The following USP14 variants were observed in gnomAD, a reference collection of about 807,000 sequenced individuals.
The protein encoded by USP14 is ubiquitin carboxyl-terminal hydrolase 14.
USP14 carries 38 observed loss-of-function variants against 76.5 expected under a neutral mutation model. That is an observed-to-expected ratio of 0.50 (90% CI 0.38 to 0.65). The LOEUF (loss-of-function observed/expected upper bound fraction) is 0.65, where lower values mean the gene tolerates loss of function less well. USP14 is among the 30% of genes least tolerant of loss of function. The pLI is 0.00. For synonymous variants in USP14, 192 were observed against 191.7 expected (o/e 1.00, Z -0.01); for missense variants, 467 against 586.5 (o/e 0.80, Z 2.10).
rs977348826 is a variant in USP14, at chr18:197,927, AG to A, written c.676-118del. On this transcript the variant is annotated intron_variant, in intron 8 of 15. Coordinates refer to ENST00000261601, the MANE Select transcript of USP14 (RefSeq NM_005151.4). Reference sequence around the variant, plus strand: ...GTTGATTTTTGGTAATGTTTTTTGAAGGATTTTACTGTAAGGGACTACATTT... The same window carrying A: ...GTTGATTTTTGGTAATGTTTTTTGAAGATTTTACTGTAAGGGACTACATTT... The A allele has an allele frequency of 7.4e-5, 64 of 867,642 alleles. No homozygotes were observed. The African/African-American group carries it at 1.1e-3, about 14-fold the overall frequency. The allele number at this position is 867,642 out of a possible 1,614,324, so 53.7% of individuals were successfully genotyped here. A position where few individuals can be genotyped will look rare whatever the true frequency, so the allele number is the denominator to read the frequency against.
At position 163,295 on chromosome 18, in the gene USP14, A is replaced by T; in HGVS notation, c.17-13A>T. The T allele has an allele frequency of 6.3e-7, 1 of 1,588,556 alleles. No homozygotes were observed. The highest frequency in any genetic ancestry group is 1.4e-5 in the African/African-American group (1 of 73,770). On this transcript the variant is annotated splice_polypyrimidine_tract_variant and intron_variant, in intron 1 of 15. Transcript: ENST00000261601. Reference sequence around the variant, plus strand: ...TTATTTTTTAATTAAAAAAATTGTGATTTTGTTTGCAGTTACTGTAAAATG... The same window carrying T: ...TTATTTTTTAATTAAAAAAATTGTGTTTTTGTTTGCAGTTACTGTAAAATG...
chr18:187,301 T>G (rs1218797954), intron 5 of USP14, among the ~76,000 whole-genome samples: 1 of 152,214 alleles, frequency 6.6e-6, no homozygotes, highest in African/African-American at 2.4e-5. Context: ...TGAGGTCTGA[T>G]TTTCGATATG....
intron 13 of USP14, among the ~76,000 whole-genome samples, chr18:209,329 T>A (rs991432971): frequency 1.3e-4 from 20 of 152,376 alleles, no homozygotes; most frequent in Admixed American, 5.9e-4. Flanking sequence ...ACCTGTAAGC[T>A]GCTGGCATTG....
intron 10 of USP14, among the ~76,000 whole-genome samples, chr18:201,703 G>T (rs1278403395): frequency 6.6e-6 from 1 of 152,142 alleles, no homozygotes; most frequent in Admixed American, 6.5e-5. Flanking sequence ...AGTGTGGAGT[G>T]GAGTGCTTTG....
chr18:212,610 AAAG>A lies in USP14; in HGVS notation c.*1329_*1331del, dbSNP rs1910700257. On this transcript the variant is annotated 3_prime_UTR_variant, in exon 16 of 16. Coordinates refer to ENST00000261601, the MANE Select transcript of USP14 (RefSeq NM_005151.4). ...CAGAGAGACTCTGTCTCAAAAAAAAAAAGAAAAAATTCCCAAATCTTAATGTCT... is the reference window on the plus strand; with the variant it reads ...CAGAGAGACTCTGTCTCAAAAAAAAAAAAAAATTCCCAAATCTTAATGTCT... 1 of 152,172 alleles carries A rather than the reference AAAG, an allele frequency of 6.6e-6. No homozygotes were observed. Among genetic ancestry groups the A allele is most frequent in the Admixed American group, 6.5e-5 (1 of 15,268 alleles). 9.4% of individuals were successfully genotyped at this position (152,172 alleles called of 1,614,324 possible).
At position 204,555 on chromosome 18, in the gene USP14, T is replaced by G. The variant is rs770525635; in HGVS notation, c.1036-9T>G. On this transcript the variant is annotated splice_polypyrimidine_tract_variant and intron_variant, in intron 12 of 15. Transcript: ENST00000261601. ...TGTTTACACATGTTTTTTGTTTGTTTGTATATAGGATGTTAAATTTCCTCT... is the reference window on the plus strand; with the variant it reads ...TGTTTACACATGTTTTTTGTTTGTTGGTATATAGGATGTTAAATTTCCTCT... 10 of 1,562,300 alleles carry G rather than the reference T, an allele frequency of 6.4e-6. No homozygotes were observed. The highest frequency in any genetic ancestry group is 8.6e-6 in the Non-Finnish European group (10 of 1,158,602).
At chr18:180,367 G>T in intron 5 of USP14, 28 bp downstream of exon 5, 2 of 1,423,138 alleles carry the variant, frequency 1.4e-6, no homozygotes, top group Non-Finnish European at 1.9e-6. Flanking sequence ...TTTGGGTAAG[G>T]GATGTTCACA....
At chr18:167,771 C>T (rs1237468210) in intron 3 of USP14, among the ~76,000 whole-genome samples, 1 of 152,064 alleles carries the variant, frequency 6.6e-6, no homozygotes. Context: ...CTGCCTTGGC[C>T]TCCCAAAGTG....
chr18:176,862 A>G (rs1310840866), intron 3 of USP14, among the ~76,000 whole-genome samples: 2 of 151,858 alleles, frequency 1.3e-5, no homozygotes, highest in Admixed American at 1.3e-4. Flanking sequence ...TTTTCTCAAT[A>G]TTTTTCATTG....
intron 3 of USP14, among the ~76,000 whole-genome samples, chr18:171,630 T>C (rs1002454046): frequency 9.2e-5 from 14 of 152,234 alleles, no homozygotes; most frequent in Admixed American, 4.6e-4. Context: ...TTTTCCTGTC[T>C]GCTACAACAA....
chr18:183,423 T>C lies in USP14; in HGVS notation c.404+3084T>C, dbSNP rs147735044. 4.6e-3 allele frequency among the ~76,000 whole-genome samples: 699 copies of C among 152,220 alleles called. 2 individuals are homozygous for C. The highest frequency in any genetic ancestry group is 7.1e-3 in the Non-Finnish European group (480 of 68,010). ...AGCACTTTTAGTCTGAGGACTCTTG[T>C]CGCAAACTCTAGGACATTTCTTGGT... On this transcript the variant is annotated intron_variant, in intron 5 of 15. Transcript: ENST00000261601.
At chr18:205,455 C>T (rs552197610) in intron 13 of USP14, among the ~76,000 whole-genome samples, 17 of 152,186 alleles carry the variant, frequency 1.1e-4, no homozygotes, top group African/African-American at 2.9e-4. Flanking sequence ...ACTACCAACC[C>T]GTTCATTTCT....
chr18:186,119 T>A (rs887569686), intron 5 of USP14, among the ~76,000 whole-genome samples: 5 of 152,188 alleles, frequency 3.3e-5, no homozygotes, highest in African/African-American at 1.2e-4. Context: ...TCGGCCCTTA[T>A]GTCAGGATAT....
At chr18:175,153 C>G (rs1909593224) in intron 3 of USP14, among the ~76,000 whole-genome samples, 1 of 152,120 alleles carries the variant, frequency 6.6e-6, no homozygotes, top group South Asian at 2.1e-4. Flanking sequence ...ACTTTGTATC[C>G]TGTGACTTTA....
chr18:195,791 C>G (rs1910214663), intron 6 of USP14, among the ~76,000 whole-genome samples: 1 of 152,064 alleles, frequency 6.6e-6, no homozygotes. Context: ...AGTAGCAGAA[C>G]AATTACATTA....
chr18:198,687 T>C (rs1910306818), intron 9 of USP14, among the ~76,000 whole-genome samples: 1 of 152,148 alleles, frequency 6.6e-6, no homozygotes, highest in Admixed American at 6.5e-5. Context: ...CCTAAGAACA[T>C]CTTTAGCAGA....
At chr18:200,258 T>C (rs1448274352) in intron 10 of USP14, among the ~76,000 whole-genome samples, 1 of 152,210 alleles carries the variant, frequency 6.6e-6, no homozygotes, top group Non-Finnish European at 1.5e-5. Flanking sequence ...AGCTACTGTT[T>C]TCTTACGTGA....
At chr18:200,816 T>C (rs1057197311) in intron 10 of USP14, among the ~76,000 whole-genome samples, 2 of 152,168 alleles carry the variant, frequency 1.3e-5, no homozygotes, top group African/African-American at 4.8e-5. Context: ...TATTTACTTA[T>C]TTTGAGACGG....
intron 6 of USP14, among the ~76,000 whole-genome samples, chr18:193,385 G>A (rs1910144694): frequency 6.6e-6 from 1 of 151,958 alleles, no homozygotes; most frequent in Non-Finnish European, 1.5e-5. Flanking sequence ...TTTGGGTTAG[G>A]TCAATAGGGT....
Sources: gnomAD v4.1 joint callset for allele counts (sites outside exome capture counted in the v4.1 genomes callset) on GRCh38, gnomAD v4.1.1 for gene constraint, MANE v1.5 for transcripts, NCBI Gene and HGNC (gene_info 2026-07-23, HGNC 2026-07-21) for gene names.